Variants in NCKAP5 observed in about 807,000 individuals in gnomAD.
NCKAP5 encodes NCK associated protein 5, also known as nck-associated protein 5.
NCKAP5 carries 92 observed loss-of-function variants against 167.0 expected under a neutral mutation model. The observed-to-expected ratio is 0.55, with a 90% CI of 0.47 to 0.66. The LOEUF is 0.66. Ranked by LOEUF, NCKAP5 falls within the 30% of genes least tolerant of loss-of-function variation. NCKAP5 has a pLI of 0.00. For synonymous variants in NCKAP5, 891 were observed against 877.4 expected, an observed-to-expected ratio of 1.02 and a Z score of -0.27; for missense variants, 2,378 against 2,315.0, an observed-to-expected ratio of 1.03 and a Z score of -0.56.
In NCKAP5 at chr2:132,783,850, G is replaced by A; in HGVS notation, c.2961C>T (p.Ala987=). The change falls in exon 14 of 20, where the codon GCC becomes GCT. Residue 987 remains alanine, a synonymous_variant. Transcript: ENST00000409261. ...ISAPVISSNP[A]TTEVQRKKPS... The stretch of plus-strand genomic sequence containing the variant: ...GTTTCTTCCTCTGCACTTCTGTCGT[G>A]GCCGGATTAGAAGAAATAACTGGAG... The A allele has an allele frequency of 6.5e-7, 1 of 1,530,518 alleles. No homozygotes were observed. The highest frequency in any genetic ancestry group is 8.8e-7 in the Non-Finnish European group (1 of 1,140,790). 94.8% of individuals were successfully genotyped at this position (1,530,518 alleles called of 1,614,324 possible).
At chr2:132,686,279 C>G (rs969792964) in intron 19 of NCKAP5, among the ~76,000 whole-genome samples, 1 of 152,202 alleles carries the variant, frequency 6.6e-6, no homozygotes, top group East Asian at 1.9e-4. Flanking sequence ...GTTAGGGTTT[C>G]TGTGCTCTGG....
At chr2:133,553,606 T>A (rs1687533562) in intron 2 of NCKAP5, among the ~76,000 whole-genome samples, 1 of 152,068 alleles carries the variant, frequency 6.6e-6, no homozygotes, top group Admixed American at 6.6e-5. Context: ...AGTAGAAGTG[T>A]GGGCTAGAGC....
chr2:133,175,953 T>C (rs1247384987), intron 5 of NCKAP5, among the ~76,000 whole-genome samples: 2 of 152,226 alleles, frequency 1.3e-5, no homozygotes, highest in African/African-American at 2.4e-5. Flanking sequence ...TTAAAAATCT[T>C]AACTAGGAGT....
chr2:133,667,895 T>C, the NCKAP5 span, among the ~76,000 whole-genome samples: 2 of 151,998 alleles, frequency 1.3e-5, no homozygotes, highest in African/African-American at 2.4e-5. Context: ...CAGAACATTT[T>C]GTCAACCCCA....
intron 6 of NCKAP5, among the ~76,000 whole-genome samples, chr2:133,043,280 T>C (rs1384458600): frequency 2.0e-5 from 3 of 152,204 alleles, no homozygotes; most frequent in African/African-American, 7.2e-5. Flanking sequence ...TGTTTGCCCA[T>C]CCCATAATCA....
At chr2:132,722,979 T>C (rs963235772) in intron 19 of NCKAP5, among the ~76,000 whole-genome samples, 1 of 151,654 alleles carries the variant, frequency 6.6e-6, no homozygotes, top group Non-Finnish European at 1.5e-5. Context: ...CCACATCCAC[T>C]ACACCTGTCT....
intron 8 of NCKAP5, among the ~76,000 whole-genome samples, chr2:132,903,059 G>A (rs933345698): frequency 6.6e-6 from 1 of 152,108 alleles, no homozygotes; most frequent in African/African-American, 2.4e-5. Context: ...TAAAATGAGA[G>A]TAAAAACAGT....
the NCKAP5 span, among the ~76,000 whole-genome samples, chr2:133,594,293 A>G: frequency 6.6e-6 from 1 of 151,906 alleles, no homozygotes; most frequent in African/African-American, 2.4e-5. Context: ...CTAATGAGAA[A>G]ATCTCTCTCT....
chr2:133,643,557 A>G, the NCKAP5 span, among the ~76,000 whole-genome samples: 1 of 152,076 alleles, frequency 6.6e-6, no homozygotes, highest in Non-Finnish European at 1.5e-5. Context: ...ATATACCCCC[A>G]TTGCCAATGC....
intron 11 of NCKAP5, among the ~76,000 whole-genome samples, chr2:132,803,452 G>A (rs1685190636): frequency 6.6e-6 from 1 of 152,166 alleles, no homozygotes; most frequent in South Asian, 2.1e-4. Flanking sequence ...AAATACTTTT[G>A]AAACAATTAT....
At chr2:133,526,027 G>C (rs1450475592) in intron 2 of NCKAP5, among the ~76,000 whole-genome samples, 1 of 151,938 alleles carries the variant, frequency 6.6e-6, no homozygotes, top group African/African-American at 2.4e-5. Flanking sequence ...TACTCTGTTG[G>C]TATAATCACT....
intron 3 of NCKAP5, among the ~76,000 whole-genome samples, chr2:133,362,844 C>T (rs530598346): frequency 6.6e-6 from 1 of 152,244 alleles, no homozygotes; most frequent in East Asian, 1.9e-4. Context: ...AGCTCTGTCT[C>T]CCGGGTTCAC....
intron 3 of NCKAP5, among the ~76,000 whole-genome samples, chr2:133,343,829 C>T (rs546923310): frequency 1.3e-5 from 2 of 152,288 alleles, no homozygotes; most frequent in African/African-American, 2.4e-5. Flanking sequence ...GCTTGGGAGT[C>T]GGAAGGATGT....
intron 3 of NCKAP5, among the ~76,000 whole-genome samples, chr2:133,458,682 C>G (rs542456899): frequency 2.0e-5 from 3 of 151,948 alleles, no homozygotes; most frequent in Non-Finnish European, 2.9e-5. Flanking sequence ...ATATACACCT[C>G]CAGAAAAGTT....
intron 5 of NCKAP5, among the ~76,000 whole-genome samples, chr2:133,150,497 G>GT (rs1559195596): frequency 6.6e-6 from 1 of 152,144 alleles, no homozygotes; most frequent in African/African-American, 2.4e-5. Flanking sequence ...CTTACAGTTT[G>GT]TCCACCTTTC....
At chr2:132,732,107 A>C in intron 16 of NCKAP5, 56 bp from the exon 17 acceptor site, 15 of 1,475,006 alleles carry the variant, frequency 1.0e-5, no homozygotes, top group Non-Finnish European at 1.4e-5. Context: ...TAAAAGGATA[A>C]AAGAATCATG....
intron 6 of NCKAP5, among the ~76,000 whole-genome samples, chr2:133,077,016 T>G (rs954245867): frequency 7.9e-5 from 12 of 152,152 alleles, no homozygotes; most frequent in Non-Finnish European, 1.6e-4. Flanking sequence ...AGGCAAATGA[T>G]AGTCTAGTTG....
chr2:133,326,178 G>A (rs1028115497), intron 3 of NCKAP5, among the ~76,000 whole-genome samples: 5 of 152,074 alleles, frequency 3.3e-5, no homozygotes, highest in Admixed American at 6.5e-5. Context: ...CTATAAGGCC[G>A]GGCACAGTGG....
At chr2:132,955,770 A>C (rs1409722117) in intron 8 of NCKAP5, among the ~76,000 whole-genome samples, 6 of 152,332 alleles carry the variant, frequency 3.9e-5, no homozygotes, top group East Asian at 3.9e-4. Context: ...TTACACTCCC[A>C]AAAACAGTGT....
Sources: gnomAD v4.1 joint callset for allele counts (sites outside exome capture counted in the v4.1 genomes callset) on GRCh38, gnomAD v4.1.1 for gene constraint, MANE v1.5 for transcripts, NCBI Gene and HGNC (gene_info 2026-07-23, HGNC 2026-07-21) for gene names.